The following TSPAN11 variants were observed in gnomAD, a reference collection of about 807,000 sequenced individuals.
TSPAN11 encodes the protein tetraspanin-11.
Under a neutral mutation model 32.9 loss-of-function variants are expected in TSPAN11, and 29 were observed. That is an observed-to-expected ratio of 0.88 (90% CI 0.66 to 1.20). TSPAN11 has a LOEUF of 1.20. TSPAN11 is among the 50% of genes most tolerant of loss of function. The pLI, the probability that TSPAN11 is intolerant of heterozygous loss-of-function variation, is 0.00. For missense variants in TSPAN11, 283 were observed against 329.1 expected (o/e 0.86, Z 1.08); for synonymous variants, 140 against 141.3 (o/e 0.99, Z 0.07).
chr12:30,962,843 C>T (rs1938640749), intron 2 of TSPAN11, among the ~76,000 whole-genome samples: 1 of 152,222 alleles, frequency 6.6e-6, no homozygotes, highest in African/African-American at 2.4e-5. Flanking sequence ...CCCAGGGGTC[C>T]TGTCCCCAAA....
At chr12:30,927,126 G>A (rs1937814895) in intron 1 of TSPAN11, 3 of 932,608 alleles carry the variant, frequency 3.2e-6, no homozygotes, top group East Asian at 8.0e-5. Flanking sequence ...GCCGTCCAGC[G>A]TGCCCGGGGC....
chr12:30,994,485 A>C lies in TSPAN11; in HGVS notation c.*2570A>C, dbSNP rs1342421712. On this transcript the variant is annotated 3_prime_UTR_variant, in exon 8 of 8. Coordinates refer to ENST00000546076, the MANE Select transcript of TSPAN11 (RefSeq NM_001370302.1). ...GGCACGTTCTTGCCCTGCACACTCC[A>C]TGCTGCCCTTCCCTGAGCTCGCAGG... is the stretch of plus-strand genomic sequence containing the variant. The C allele has an allele frequency of 6.6e-6, 1 of 152,164 alleles. No homozygotes were observed. Among genetic ancestry groups the C allele is most frequent in the Non-Finnish European group, 1.5e-5 (1 of 68,038 alleles). 9.4% of individuals were successfully genotyped at this position (152,164 alleles called of 1,614,324 possible). A position where few individuals can be genotyped will look rare whatever the true frequency, so the allele number is the denominator to read the frequency against.
intron 3 of TSPAN11, among the ~76,000 whole-genome samples, chr12:30,972,297 G>A (rs1381403758): frequency 6.6e-6 from 1 of 152,198 alleles, no homozygotes; most frequent in Non-Finnish European, 1.5e-5. Flanking sequence ...TCAGAGCCAG[G>A]AGGGCAAGCA....
In TSPAN11 at chr12:30,974,479, G is replaced by T. The variant is rs564499521; in HGVS notation, c.277-4082G>T. 7.2e-5 allele frequency among the ~76,000 whole-genome samples: 11 copies of T among 152,344 alleles called. No homozygotes were observed. The East Asian group carries it at 2.1e-3, about 29-fold the overall frequency. The stretch of plus-strand genomic sequence containing the variant: ...AATTTAACTAAGGTAACTGTGCTAT[G>T]CTACTCTCAGATCAGAAAAAGATTA... On this transcript the variant is annotated intron_variant, in intron 3 of 7. Transcript: ENST00000546076.
intron 2 of TSPAN11, among the ~76,000 whole-genome samples, chr12:30,955,724 C>T (rs2140285751): frequency 6.6e-6 from 1 of 152,288 alleles, no homozygotes; most frequent in Non-Finnish European, 1.5e-5. Flanking sequence ...CACTCCTTGG[C>T]TTGTGGCTGC....
chr12:30,984,057 G>A (rs541547567), intron 7 of TSPAN11, among the ~76,000 whole-genome samples: 12 of 152,302 alleles, frequency 7.9e-5, no homozygotes, highest in Non-Finnish European at 1.2e-4. Flanking sequence ...TCAAGGGTCC[G>A]AAGGAGGGGA....
At chr12:30,929,934 A>G (rs1937883828) in intron 1 of TSPAN11, among the ~76,000 whole-genome samples, 2 of 152,164 alleles carry the variant, frequency 1.3e-5, no homozygotes, top group African/African-American at 4.8e-5. Context: ...ACCCTTTTCT[A>G]AGCCCCATAG....
intron 7 of TSPAN11, chr12:30,988,437 A>G (rs966615363): frequency 5.3e-5 from 8 of 152,050 alleles, no homozygotes; most frequent in Non-Finnish European, 8.8e-5. Context: ...AAAATACAAA[A>G]AATTAGCTGG....
rs556722605 is a variant in TSPAN11 at position 30,970,836 on chromosome 12, C to T, written c.276+6819C>T. The stretch of plus-strand genomic sequence containing the variant: ...TGGCTGAAGGCTCCCAAATCCACAT[C>T]CTCTCTTTTCTGCACAAATGGGCCG... On this transcript the variant is annotated intron_variant, in intron 3 of 7. Transcript: ENST00000546076. Among the ~76,000 whole-genome samples the T allele has an allele frequency of 5.3e-5, 8 of 152,320 alleles. No individual in the cohort carries two copies. The East Asian group carries it at 1.5e-3, about 29-fold the overall frequency.
At chr12:30,961,313 G>C (rs774204032) in intron 2 of TSPAN11, among the ~76,000 whole-genome samples, 4 of 151,776 alleles carry the variant, frequency 2.6e-5, no homozygotes, top group Non-Finnish European at 5.9e-5. Flanking sequence ...GTACCAGCAG[G>C]GACAGTTTAA....
At chr12:30,940,478 G>A (rs1375718511) in intron 1 of TSPAN11, among the ~76,000 whole-genome samples, 4 of 152,202 alleles carry the variant, frequency 2.6e-5, no homozygotes, top group African/African-American at 4.8e-5. Flanking sequence ...CAGGAAGTGG[G>A]ATGGAGAAAT....
intron 7 of TSPAN11, among the ~76,000 whole-genome samples, chr12:30,985,837 G>C (rs963553992): frequency 6.6e-6 from 1 of 152,248 alleles, no homozygotes. Flanking sequence ...TTGTTGAGCA[G>C]TGCACCTGCA....
At chr12:31,008,262 A>G in the TSPAN11 span, among the ~76,000 whole-genome samples, 1 of 152,258 alleles carries the variant, frequency 6.6e-6, no homozygotes, top group East Asian at 1.9e-4. Context: ...ATTTGAAGGT[A>G]TGCATGGAAC....
At chr12:30,958,933 C>A (rs1938554637) in intron 2 of TSPAN11, among the ~76,000 whole-genome samples, 1 of 152,166 alleles carries the variant, frequency 6.6e-6, no homozygotes, top group African/African-American at 2.4e-5. Flanking sequence ...CAACCCCAGC[C>A]TTTCCAGGAG....
chr12:30,967,964 T>C (rs1456145400), intron 3 of TSPAN11, among the ~76,000 whole-genome samples: 1 of 152,070 alleles, frequency 6.6e-6, no homozygotes, highest in African/African-American at 2.4e-5. Context: ...AGAAGGTGCC[T>C]GTACAACCTT....
chr12:31,012,886 G>A, the TSPAN11 span: 1 of 152,214 alleles, frequency 6.6e-6, no homozygotes, highest in Non-Finnish European at 1.5e-5. Context: ...TGAGGCGGAG[G>A]ATAAAGATAC....
chr12:30,934,571 G>A (rs1938002627), intron 1 of TSPAN11, among the ~76,000 whole-genome samples: 1 of 151,890 alleles, frequency 6.6e-6, no homozygotes, highest in South Asian at 2.1e-4. Flanking sequence ...TGGCCTGCAT[G>A]TGGTCCAGGA....
At chr12:31,007,265 A>C in the TSPAN11 span, among the ~76,000 whole-genome samples, 2 of 152,068 alleles carry the variant, frequency 1.3e-5, no homozygotes, top group East Asian at 1.9e-4. Flanking sequence ...GGAATGAATA[A>C]ATGAGTGATG....
At chr12:31,010,556 C>A in the TSPAN11 span, among the ~76,000 whole-genome samples, 3 of 152,098 alleles carry the variant, frequency 2.0e-5, no homozygotes, top group African/African-American at 7.2e-5. Flanking sequence ...CTTAGGGAGG[C>A]TGAGGCAGGA....
Sources: allele counts gnomAD v4.1 joint callset (sites outside exome capture counted in the v4.1 genomes callset), GRCh38; gene constraint gnomAD v4.1.1; transcripts MANE v1.5; gene names NCBI Gene and HGNC (gene_info 2026-07-23, HGNC 2026-07-21).